The following EXOC2 variants were observed in gnomAD, a reference collection of about 807,000 sequenced individuals.
EXOC2 encodes the protein exocyst complex component 2.
In EXOC2, 70 loss-of-function variants were observed where a neutral mutation model predicts 131.8. That is an observed-to-expected ratio of 0.53 (90% CI 0.44 to 0.65). The LOEUF (loss-of-function observed/expected upper bound fraction) is 0.65. EXOC2 is among the 30% of genes least tolerant of loss of function. The probability of loss-of-function intolerance (pLI) is 0.00; values close to 1 mark genes in which losing one functional copy is unlikely to be tolerated. For missense variants in EXOC2, 923 were observed against 1,108.6 expected (o/e 0.83, Z 2.38); for synonymous variants, 411 against 398.4 (o/e 1.03, Z -0.38).
Position 637,506 on chromosome 6 carries a change from C to G in EXOC2, c.118+195G>C, listed in dbSNP as rs58212195. Among the ~76,000 whole-genome samples the G allele has an allele frequency of 1.1e-3, 168 of 152,306 alleles. No individual in the cohort carries two copies. In the East Asian group the frequency reaches 0.015, roughly 14 times the overall value. Reference sequence around the variant, plus strand: ...GAAGGATTTGAAAGACAATATAAGGCAAGATTTGACAAAATAATGATTTTC... The same window carrying G: ...GAAGGATTTGAAAGACAATATAAGGGAAGATTTGACAAAATAATGATTTTC... On this transcript the variant is annotated intron_variant, in intron 2 of 27. Transcript: ENST00000230449.
At chr6:690,662 C>T (rs1764882912) in intron 1 of EXOC2, among the ~76,000 whole-genome samples, 1 of 152,164 alleles carries the variant, frequency 6.6e-6, no homozygotes, top group South Asian at 2.1e-4. Context: ...GAGATCTCGC[C>T]ACTGTACTTC....
rs112650881 is a variant in EXOC2, at chr6:487,467, C to T, written c.2682-703G>A. On this transcript the variant is annotated intron_variant, in intron 27 of 27. Coordinates refer to ENST00000230449, the MANE Select transcript of EXOC2 (RefSeq NM_018303.6). ...TGTCGCCCAGGCTGGAGTGCAGTGG[C>T]GCGATTTCGGCTCACTGCAACCTCC... 2.5e-3 allele frequency among the ~76,000 whole-genome samples: 383 copies of T among 152,142 alleles called. 2 individuals carry two copies. Among genetic ancestry groups the T allele is most frequent in the African/African-American group, 8.0e-3 (333 of 41,492 alleles).
intron 1 of EXOC2, among the ~76,000 whole-genome samples, chr6:670,807 CAT>C (rs527696129): frequency 3.2e-4 from 49 of 152,280 alleles, no homozygotes; most frequent in African/African-American, 1.2e-3. Flanking sequence ...GAGAGAAAGA[CAT>C]ATTTTCATTT....
At chr6:490,988 G>A (rs1763396165) in intron 26 of EXOC2, 137 bp downstream of exon 26, 1 of 831,940 alleles carries the variant, frequency 1.2e-6, no homozygotes, top group Non-Finnish European at 2.0e-6. Context: ...TTACAAAGTG[G>A]CCTTGACATA....
intron 10 of EXOC2, among the ~76,000 whole-genome samples, chr6:596,030 T>C (rs1460304601): frequency 6.6e-6 from 1 of 152,092 alleles, no homozygotes; most frequent in African/African-American, 2.4e-5. Flanking sequence ...CTGTGTGTGC[T>C]GGGCAAGCTT....
chr6:637,811 C>G lies in EXOC2; in HGVS notation c.8G>C (p.Arg3Pro), dbSNP rs779755243. ...GGTCACAAGGGGGGGTTGTCGTGAT[C>G]GAGACATTGTGCTTTGTGGAGCAAA... The part of the protein sequence containing the change: MS[R>P]SRQPPLVTGI... The change falls in exon 2 of 28, where the codon CGA becomes CCA. Residue 3 changes from arginine to proline, a missense_variant. By Grantham distance (103) the Arg-to-Pro change is moderately radical (BLOSUM62 -2). Transcript: ENST00000230449. 1.2e-6 allele frequency: 2 copies of G among 1,613,374 alleles called. No homozygotes were observed. Among genetic ancestry groups the G allele is most frequent in the Non-Finnish European group, 1.7e-6 (2 of 1,179,804 alleles).
chr6:487,409 T>G (rs1394920428), intron 27 of EXOC2, among the ~76,000 whole-genome samples: 1 of 150,070 alleles, frequency 6.7e-6, no homozygotes, highest in Non-Finnish European at 1.5e-5. Flanking sequence ...AGTCATCTAA[T>G]TTTTTTTCTT....
At chr6:656,454 G>A (rs996309309) in intron 1 of EXOC2, 1 of 1,612,928 alleles carries the variant, frequency 6.2e-7, no homozygotes, top group African/African-American at 1.3e-5. Flanking sequence ...GCTCCTCAGC[G>A]TCCTCCAGCG....
At chr6:492,251 A>G (rs1763478157) in intron 25 of EXOC2, among the ~76,000 whole-genome samples, 1 of 152,228 alleles carries the variant, frequency 6.6e-6, no homozygotes, top group Non-Finnish European at 1.5e-5. Flanking sequence ...TATAATCAAT[A>G]AGAGACAATA....
intron 23 of EXOC2, among the ~76,000 whole-genome samples, chr6:529,850 T>C (rs1308223233): frequency 6.6e-6 from 1 of 152,226 alleles, no homozygotes; most frequent in Non-Finnish European, 1.5e-5. Flanking sequence ...GTTAATGTCG[T>C]TACATGCTAA....
chr6:502,339 G>A (rs534852028), intron 23 of EXOC2, among the ~76,000 whole-genome samples: 3 of 152,268 alleles, frequency 2.0e-5, no homozygotes, highest in Non-Finnish European at 2.9e-5. Flanking sequence ...CTGGAAATGC[G>A]AAGGCAGTTT....
At chr6:546,927 T>C (rs777890429) in intron 22 of EXOC2, among the ~76,000 whole-genome samples, 4 of 152,252 alleles carry the variant, frequency 2.6e-5, no homozygotes, top group African/African-American at 7.2e-5. Flanking sequence ...AAGGGTCAAC[T>C]GTATTATCAT....
At chr6:650,512 A>G (rs1762782954) in intron 1 of EXOC2, among the ~76,000 whole-genome samples, 1 of 152,230 alleles carries the variant, frequency 6.6e-6, no homozygotes, top group Admixed American at 6.5e-5. Context: ...TTACTGTATA[A>G]TTACACAATA....
chr6:670,728 C>A (rs919346259), intron 1 of EXOC2, among the ~76,000 whole-genome samples: 1 of 152,158 alleles, frequency 6.6e-6, no homozygotes, highest in Non-Finnish European at 1.5e-5. Flanking sequence ...GATGCCACAA[C>A]TCGCATCACA....
chr6:595,088 G>C (rs1759738815), intron 10 of EXOC2, among the ~76,000 whole-genome samples: 2 of 152,002 alleles, frequency 1.3e-5, no homozygotes, highest in African/African-American at 4.8e-5. Context: ...CTGTGGAAAG[G>C]AATATGCAGA....
At position 658,667 on chromosome 6, in the gene EXOC2, T is replaced by TTTATATATATATATATATATATA. The variant is rs1763269186; in HGVS notation, c.-43-20807_-43-20806insTATATATATATATATATATATAA. Among the ~76,000 whole-genome samples, 32 of 65,158 alleles carry TTTATATATATATATATATATATA rather than the reference T, an allele frequency of 4.9e-4. No homozygotes were observed. The South Asian group carries it at 6.2e-3, about 13-fold the overall frequency. 42.7% of individuals were successfully genotyped at this position (65,158 alleles called of 152,430 possible). A position where few individuals can be genotyped will look rare whatever the true frequency, so the allele number is the denominator to read the frequency against. On this transcript the variant is annotated intron_variant, in intron 1 of 27. Coordinates refer to ENST00000230449, the MANE Select transcript of EXOC2 (RefSeq NM_018303.6). ...ATTTTATATATATATATATATATAT[T>TTTATATATATATATATATATATA]TTTTTTTTTTTTAGACGAAGTCTTG...
chr6:501,295 A>C (rs1179739950), intron 23 of EXOC2, among the ~76,000 whole-genome samples: 1 of 7,352 alleles, frequency 1.4e-4, no homozygotes, highest in African/African-American at 3.3e-4. Flanking sequence ...TATTATATAT[A>C]TCTATATATT....
intron 21 of EXOC2, among the ~76,000 whole-genome samples, chr6:549,640 T>C (rs983784712): frequency 2.0e-5 from 3 of 152,190 alleles, no homozygotes; most frequent in African/African-American, 7.2e-5. Context: ...TATTGTTTAC[T>C]TAATACTTTG....
intron 23 of EXOC2, among the ~76,000 whole-genome samples, chr6:527,909 CTTT>C (rs1035952314): frequency 4.0e-5 from 6 of 149,122 alleles, no homozygotes; most frequent in African/African-American, 1.5e-4. Context: ...TTAAATAATA[CTTT>C]TTTCTTATTT....
Sources: gnomAD v4.1 joint callset for allele counts (sites outside exome capture counted in the v4.1 genomes callset) on GRCh38, gnomAD v4.1.1 for gene constraint, MANE v1.5 for transcripts, NCBI Gene and HGNC (gene_info 2026-07-23, HGNC 2026-07-21) for gene names.